CNGB3: variants seen among roughly 807,000 people sequenced by gnomAD.
CNGB3 encodes cyclic nucleotide gated channel subunit beta 3.
Under a neutral mutation model 92.8 loss-of-function variants are expected in CNGB3, and 86 were observed. That is an observed-to-expected ratio of 0.93 (90% confidence interval 0.78 to 1.11). CNGB3 has a LOEUF of 1.11. Among genes scored for constraint, CNGB3 ranks in the 50% least tolerant of loss-of-function variants. The probability of loss-of-function intolerance (pLI) is 0.00; values close to 1 mark genes in which losing one functional copy is unlikely to be tolerated. For missense variants in CNGB3, 1,026 were observed against 956.8 expected (o/e 1.07, Z -0.95); for synonymous variants, 333 against 332.7 (o/e 1.00, Z -0.01).
intron 2 of CNGB3, among the ~76,000 whole-genome samples, chr8:86,733,285 A>G (rs1428128580): frequency 6.6e-6 from 1 of 152,004 alleles, no homozygotes; most frequent in Non-Finnish European, 1.5e-5. Flanking sequence ...ATTCTTTTTT[A>G]TGGGTGTGTG....
At chr8:86,655,118 A>G (rs1391458177) in intron 6 of CNGB3, among the ~76,000 whole-genome samples, 4 of 152,130 alleles carry the variant, frequency 2.6e-5, no homozygotes, top group South Asian at 2.1e-4. Context: ...CCTACACTGC[A>G]CATTCTCCCT....
In CNGB3 at chr8:86,627,370, G is replaced by A. The variant is rs1033999053; in HGVS notation, c.1481-1290C>T. On this transcript the variant is annotated intron_variant, in intron 12 of 17. Transcript: ENST00000320005. The stretch of plus-strand genomic sequence containing the variant: ...CAGATGCCTTCAAGTAGCTGCAGAT[G>A]TTCTAGAGAGAGGCATGTTGTTTTG... Among the ~76,000 whole-genome samples, 3 of 152,230 alleles carry A rather than the reference G, an allele frequency of 2.0e-5. No homozygotes were observed. The South Asian group carries it at 6.2e-4, about 32-fold the overall frequency.
chr8:86,700,268 C>T lies in CNGB3; in HGVS notation c.338+26263G>A, dbSNP rs551345758. ...GTGATAAACTCAGCTCTATCTGAGG[C>T]ATTTGTGTGACATCTTAGGAATTAT... On this transcript the variant is annotated intron_variant, in intron 3 of 17. Transcript: ENST00000320005. Among the ~76,000 whole-genome samples the T allele has an allele frequency of 3.9e-5, 6 of 152,192 alleles. No homozygotes were observed. In the South Asian group the frequency reaches 1.2e-3, roughly 32 times the overall value.
At position 86,739,684 on chromosome 8, in the gene CNGB3, G is replaced by A. The variant is rs745546656; in HGVS notation, c.182C>T (p.Thr61Met). ...TATGTTGGTGTGTGGCTCTTCAGAC[G>A]TGACTGGAGTTGACTTGGTTTTGAG... ...KSLKTKSTPV[T>M]SEEPHTNIQD... The change falls in exon 2 of 18, where the codon ACG (threonine) becomes ATG (methionine). Residue 61 changes from threonine (T) to methionine (M), a missense_variant. Physicochemically the swap from Thr to Met is moderately conservative, Grantham distance 81. Coordinates refer to ENST00000320005, the MANE Select transcript of CNGB3 (RefSeq NM_019098.5). The A allele has an allele frequency of 3.7e-6, 6 of 1,607,308 alleles. No individual in the cohort carries two copies. Among genetic ancestry groups the A allele is most frequent in the Non-Finnish European group, 5.1e-6 (6 of 1,178,724 alleles).
chr8:86,676,188 T>C (rs1407978350), intron 3 of CNGB3, among the ~76,000 whole-genome samples: 1 of 152,192 alleles, frequency 6.6e-6, no homozygotes. Flanking sequence ...ACATATTCTC[T>C]AGTTTAAGAT....
intron 6 of CNGB3, chr8:86,658,325 G>A (rs1823560839): frequency 6.3e-6 from 3 of 479,894 alleles, no homozygotes; most frequent in South Asian, 3.9e-5. Flanking sequence ...TGCTTGGCAT[G>A]AGCGGAAGCG....
Position 86,668,179 on chromosome 8 carries a change from A to C in CNGB3, c.494-11T>G. Reference sequence around the variant, plus strand: ...CAGCCGTGGGCTTTGCTTCATAGGGAAAAAAAAAAAGATGAAACATTTGAA... The same window carrying C: ...CAGCCGTGGGCTTTGCTTCATAGGGCAAAAAAAAAAGATGAAACATTTGAA... On this transcript the variant is annotated splice_polypyrimidine_tract_variant and intron_variant, in intron 4 of 17. Transcript: ENST00000320005. 1 of 871,044 alleles carries C rather than the reference A, an allele frequency of 1.1e-6. No individual in the cohort carries two copies. Among genetic ancestry groups the C allele is most frequent in the Non-Finnish European group, 1.6e-6 (1 of 621,602 alleles). 54.0% of individuals were successfully genotyped at this position (871,044 alleles called of 1,614,324 possible). A position where few individuals can be genotyped will look rare whatever the true frequency, so the allele number is the denominator to read the frequency against.
intron 2 of CNGB3, 34 bp downstream of exon 2, chr8:86,739,619 AGT>A: frequency 1.4e-6 from 2 of 1,386,290 alleles, no homozygotes; most frequent in Non-Finnish European, 2.0e-6. Flanking sequence ...TTCACTTTTT[AGT>A]TTTTTTTTTT....
At chr8:86,727,774 T>C (rs1218380785) in intron 2 of CNGB3, among the ~76,000 whole-genome samples, 1 of 152,178 alleles carries the variant, frequency 6.6e-6, no homozygotes, top group African/African-American at 2.4e-5. Context: ...GCTTAAGATA[T>C]TAAAATGGAG....
chr8:86,722,298 G>C (rs1454390530), intron 3 of CNGB3, among the ~76,000 whole-genome samples: 1 of 152,146 alleles, frequency 6.6e-6, no homozygotes, highest in African/African-American at 2.4e-5. Flanking sequence ...AAAAAATAAG[G>C]CTGGACTGAG....
chr8:86,705,088 C>T (rs6992035), intron 3 of CNGB3, among the ~76,000 whole-genome samples: 8,363 of 152,116 alleles, frequency 0.055, 741 homozygotes, highest in African/African-American at 0.19. Context: ...AACTCCTCCC[C>T]ACACCTCCCA....
At chr8:86,738,107 T>A (rs183121753) in intron 2 of CNGB3, among the ~76,000 whole-genome samples, 1 of 152,310 alleles carries the variant, frequency 6.6e-6, no homozygotes, top group Admixed American at 6.5e-5. Flanking sequence ...GTCTAACAGA[T>A]GAAAAGCAAA....
chr8:86,611,633 T>A lies in CNGB3; in HGVS notation c.1617A>T (p.Arg539Ser), dbSNP rs1180714843. 2 of 1,613,382 alleles carry A rather than the reference T, an allele frequency of 1.2e-6. No homozygotes were observed. Among genetic ancestry groups the A allele is most frequent in the African/African-American group, 1.3e-5 (1 of 74,900 alleles). The stretch of plus-strand genomic sequence containing the variant: ...CAGGCAAATAGAGAACGGATTTCAA[T>A]CTTAGCAACATGTCATAAATCATCT... ...DTQMIYDMLL[R>S]LKSVLYLPGD... The change falls in exon 14 of 18, where the codon AGA becomes AGT. Residue 539 changes from arginine (R) to serine (S), a missense_variant. Transcript: ENST00000320005.
chr8:86,707,199 G>A (rs906652847), intron 3 of CNGB3, among the ~76,000 whole-genome samples: 1 of 152,260 alleles, frequency 6.6e-6, no homozygotes, highest in Middle Eastern at 3.4e-3. Context: ...TTATATGCCA[G>A]AAAGTCTTTT....
chr8:86,718,203 A>C (rs957785757), intron 3 of CNGB3, among the ~76,000 whole-genome samples: 3 of 152,136 alleles, frequency 2.0e-5, no homozygotes, highest in Non-Finnish European at 4.4e-5. Context: ...AACAAACAAA[A>C]AAATACAAAA....
Position 86,699,391 on chromosome 8 carries a change from A to T in CNGB3, c.338+27140T>A, listed in dbSNP as rs925256865. ...AGTGGCTCATTCCTATAATCCCAGC[A>T]CTTTGGGAGGCCAAGATGGAGGATT... On this transcript the variant is annotated intron_variant, in intron 3 of 17. Coordinates refer to ENST00000320005, the MANE Select transcript of CNGB3 (RefSeq NM_019098.5). Among the ~76,000 whole-genome samples, 4 of 152,268 alleles carry T rather than the reference A, an allele frequency of 2.6e-5. No individual in the cohort carries two copies. The East Asian group carries it at 7.7e-4, about 29-fold the overall frequency.
chr8:86,741,413 C>G (rs1221744532), intron 1 of CNGB3, among the ~76,000 whole-genome samples: 2 of 152,076 alleles, frequency 1.3e-5, no homozygotes, highest in African/African-American at 4.8e-5. Flanking sequence ...CGTGTAATCC[C>G]AACACTTTGC....
chr8:86,643,022 C>G (rs911489771), intron 10 of CNGB3, among the ~76,000 whole-genome samples: 5 of 151,316 alleles, frequency 3.3e-5, no homozygotes, highest in African/African-American at 7.3e-5. Flanking sequence ...CCTTACTGCT[C>G]AGTTGTCTAG....
chr8:86,592,261 A>C (rs1029945495), intron 15 of CNGB3, among the ~76,000 whole-genome samples: 4 of 152,076 alleles, frequency 2.6e-5, no homozygotes, highest in African/African-American at 9.7e-5. Flanking sequence ...AGTGAGATGA[A>C]CCCGGTACCT....
Sources: allele counts gnomAD v4.1 joint callset (sites outside exome capture counted in the v4.1 genomes callset), GRCh38; gene constraint gnomAD v4.1.1; transcripts MANE v1.5; gene names NCBI Gene and HGNC (gene_info 2026-07-23, HGNC 2026-07-21).